DGKZ: variants seen among roughly 807,000 people sequenced by gnomAD.
The protein encoded by DGKZ is DAG kinase zeta.
A neutral mutation model predicts 142.5 loss-of-function variants in DGKZ; 45 were observed. That is an observed-to-expected ratio of 0.32 (90% confidence interval 0.25 to 0.40). The LOEUF is 0.40. Among genes scored for constraint, DGKZ ranks in the 10% least tolerant of loss-of-function variants. DGKZ has a pLI of 1.00. For synonymous variants in DGKZ, 442 were observed against 527.0 expected, an observed-to-expected ratio of 0.84 and a Z score of 2.21; for missense variants, 755 against 1,306.5, an observed-to-expected ratio of 0.58 and a Z score of 6.51.
At chr11:46,378,880 C>T (rs1029201943) in intron 27 of DGKZ, 111 bp from the exon 28 acceptor site, 19 of 1,438,548 alleles carry the variant, frequency 1.3e-5, no homozygotes, top group Non-Finnish European at 1.6e-5. Flanking sequence ...GATGTGTGAG[C>T]GCACTCGTTT....
intron 25 of DGKZ, chr11:46,377,931 TC>T: frequency 1.8e-6 from 1 of 553,690 alleles, no homozygotes; most frequent in Non-Finnish European, 3.2e-6. Context: ...CATCACCTGT[TC>T]TGAATTCTTA....
intron 1 of DGKZ, chr11:46,364,600 C>A: frequency 1.0e-6 from 1 of 985,442 alleles, no homozygotes; most frequent in Non-Finnish European, 1.2e-6. Context: ...CTTCCCTAGG[C>A]ACCTCCACCC....
At chr11:46,358,956 A>G (rs1032026992) in intron 1 of DGKZ, among the ~76,000 whole-genome samples, 42 of 151,650 alleles carry the variant, frequency 2.8e-4, no homozygotes, top group South Asian at 6.2e-4. Context: ...CAGCCTGGCC[A>G]ACATGGTGAA....
chr11:46,333,271 G>T, exon 1 of DGKZ: 5 of 1,250,234 alleles, frequency 4.0e-6, no homozygotes, highest in Non-Finnish European at 5.0e-6. Flanking sequence ...GAAGGCGGCC[G>T]CACGATGGCC....
rs948292815 is a variant in DGKZ, at chr11:46,365,449, C to T, written c.162-1842C>T. The T allele has an allele frequency of 4.1e-6, 4 of 985,458 alleles. No individual in the cohort carries two copies. The African/African-American group carries it at 7.0e-5, about 17-fold the overall frequency. 61.0% of individuals were successfully genotyped at this position (985,458 alleles called of 1,614,324 possible). ...ATACAGGCACGCACACACCCAGAAT[C>T]CAGAAGGCTTTGCTTTTGGCCCAAG... On this transcript the variant is annotated intron_variant, in intron 1 of 30. Transcript: ENST00000527911.
At chr11:46,377,653 C>T (rs1944708293) in intron 25 of DGKZ, 1 of 225,444 alleles carries the variant, frequency 4.4e-6, no homozygotes, top group Admixed American at 5.2e-5. Flanking sequence ...TCTCAGCAGC[C>T]CTTTGGACGT....
At chr11:46,345,444 G>A, upstream of DGKZ, 1 of 1,469,314 alleles carries the variant, frequency 6.8e-7, no homozygotes, top group South Asian at 1.4e-5. This position sits in a 1 kb window ranked among gnomAD's most constrained non-coding sequence, Gnocchi z 4.1. Flanking sequence ...AGTGCCGGGG[G>A]AAGCTGCAAT....
At chr11:46,376,598 G>C (rs1944571130) in intron 24 of DGKZ, 34 bp downstream of exon 24, 1 of 1,612,396 alleles carries the variant, frequency 6.2e-7, no homozygotes, top group Non-Finnish European at 8.5e-7. Flanking sequence ...AGCCACAGCT[G>C]CTTCCGGGCC....
In DGKZ at chr11:46,372,026, G is replaced by A; in HGVS notation, c.832-49G>A. On this transcript the variant is annotated intron_variant, in intron 9 of 30. Coordinates refer to ENST00000527911, the Ensembl canonical transcript of DGKZ. This position sits in a 1 kb window ranked among gnomAD's most constrained non-coding sequence, Gnocchi z 5.9. Reference sequence around the variant, plus strand: ...AGGGGGCCTGCTAAGGATGATGGTAGGGTGTCCTGGACGGGAAGGAGCTTA... The same window carrying A: ...AGGGGGCCTGCTAAGGATGATGGTAAGGTGTCCTGGACGGGAAGGAGCTTA... The A allele has an allele frequency of 6.5e-7, 1 of 1,530,032 alleles. No individual in the cohort carries two copies. Among genetic ancestry groups the A allele is most frequent in the Non-Finnish European group, 8.9e-7 (1 of 1,121,570 alleles). 94.8% of individuals were successfully genotyped at this position (1,530,032 alleles called of 1,614,324 possible). A position where few individuals can be genotyped will look rare whatever the true frequency, so the allele number is the denominator to read the frequency against.
Position 46,364,513 on chromosome 11 carries a change from C to T in DGKZ, c.162-2778C>T, listed in dbSNP as rs369829901. The T allele has an allele frequency of 2.0e-5, 24 of 1,214,886 alleles. No homozygotes were observed. The East Asian group carries it at 3.4e-4, about 17-fold the overall frequency. 75.3% of individuals were successfully genotyped at this position (1,214,886 alleles called of 1,614,324 possible). On this transcript the variant is annotated intron_variant, in intron 1 of 30. Transcript: ENST00000527911. The stretch of plus-strand genomic sequence containing the variant: ...ACTATTTGGGGTCATAAGAGCACTG[C>T]CCTGACCTCCCTGTCATCTGAGGCA...
At chr11:46,358,202 G>A (rs1194553668) in intron 1 of DGKZ, among the ~76,000 whole-genome samples, 1 of 152,272 alleles carries the variant, frequency 6.6e-6, no homozygotes, top group South Asian at 2.1e-4. Context: ...CTAGGCAGGG[G>A]CCCCAACATC....
chr11:46,344,516 C>T (rs1248100245), upstream of DGKZ, among the ~76,000 whole-genome samples: 6 of 148,688 alleles, frequency 4.0e-5, no homozygotes, highest in African/African-American at 7.5e-5. Context: ...TGCAGTGGCG[C>T]GAACTCGGCT....
chr11:46,345,882 G>T (rs1274045914), upstream of DGKZ, among the ~76,000 whole-genome samples: 1 of 152,192 alleles, frequency 6.6e-6, no homozygotes, highest in Non-Finnish European at 1.5e-5. The surrounding 1 kb of genome is among the most constrained non-coding windows in gnomAD (Gnocchi z 4.1). Context: ...TGACCCAGCT[G>T]CAAGGCCTTG....
chr11:46,359,988 A>G (rs1942460581), intron 1 of DGKZ, among the ~76,000 whole-genome samples: 2 of 152,192 alleles, frequency 1.3e-5, no homozygotes, highest in African/African-American at 2.4e-5. Context: ...TTGGTGTAGT[A>G]GCAAAGAAAA....
upstream of DGKZ, among the ~76,000 whole-genome samples, chr11:46,345,908 G>T (rs573047546): frequency 6.6e-6 from 1 of 152,274 alleles, no homozygotes; most frequent in Non-Finnish European, 1.5e-5. The surrounding 1 kb of genome is among the most constrained non-coding windows in gnomAD (Gnocchi z 4.1). Context: ...ACTCCGTGGG[G>T]TCTTCAGTTG....
upstream of DGKZ, among the ~76,000 whole-genome samples, chr11:46,343,642 G>A (rs756670158): frequency 6.6e-6 from 1 of 152,322 alleles, no homozygotes; most frequent in South Asian, 2.1e-4. Flanking sequence ...TTGAACTCCA[G>A]CACAGTTTGG....
At position 46,372,236 on chromosome 11, in the gene DGKZ, C is replaced by A; in HGVS notation, c.927+66C>A. ...GGTTGGGGTCCAGCCCGTCTGCCAG[C>A]AGCTGTTCCCAGAGCCCGTTTCTGG... On this transcript the variant is annotated intron_variant, in intron 10 of 30. Coordinates refer to ENST00000527911, the Ensembl canonical transcript of DGKZ. The surrounding 1 kb of genome is among the most constrained non-coding windows in gnomAD (Gnocchi z 5.9). 1 of 1,449,922 alleles carries A rather than the reference C, an allele frequency of 6.9e-7. No individual in the cohort carries two copies. Among genetic ancestry groups the A allele is most frequent in the Non-Finnish European group, 9.4e-7 (1 of 1,067,420 alleles). The allele number at this position is 1,449,922 out of a possible 1,614,324, so 89.8% of individuals were successfully genotyped here.
At chr11:46,353,395 G>A (rs73464080) in intron 1 of DGKZ, among the ~76,000 whole-genome samples, 6 of 152,260 alleles carry the variant, frequency 3.9e-5, no homozygotes, top group African/African-American at 9.6e-5. Context: ...CTTTGCCTCC[G>A]GTGCCAACGG....
chr11:46,340,827 C>T (rs918962294), intron 1 of DGKZ, among the ~76,000 whole-genome samples: 5 of 152,198 alleles, frequency 3.3e-5, no homozygotes, highest in African/African-American at 9.6e-5. Context: ...ACAGGCATAG[C>T]TAATGGGGAG....
Sources: allele counts gnomAD v4.1 joint callset (sites outside exome capture counted in the v4.1 genomes callset), GRCh38; gene constraint gnomAD v4.1.1; non-coding constraint Gnocchi (gnomAD v3.1); transcripts MANE v1.5; gene names NCBI Gene and HGNC (gene_info 2026-07-23, HGNC 2026-07-21).